Variants in GALNT10 observed in about 807,000 individuals in gnomAD.
GALNT10 encodes polypeptide N-acetylgalactosaminyltransferase 10, also known as GalNAc transferase 10.
Under a neutral mutation model 75.0 loss-of-function variants are expected in GALNT10, and 41 were observed. The observed-to-expected ratio is 0.55, with a 90% CI of 0.43 to 0.71. The LOEUF is 0.71. Among genes scored for constraint, GALNT10 ranks in the 30% least tolerant of loss-of-function variants. GALNT10 has a pLI of 0.00. For missense variants in GALNT10, 727 were observed against 818.5 expected, an observed-to-expected ratio of 0.89 and a Z score of 1.36; for synonymous variants, 302 against 313.0, an observed-to-expected ratio of 0.96 and a Z score of 0.37.
At position 154,417,479 on chromosome 5, in the gene GALNT10, G is replaced by C. The variant is rs769357496; in HGVS notation, c.*507G>C. On this transcript the variant is annotated 3_prime_UTR_variant, in exon 12 of 12. Transcript: ENST00000297107. ...CTCTTGGGGCTTTTTAGTTTCTGCC[G>C]TCCTGGGGGGAACATTGCAGTTACT... The C allele has an allele frequency of 6.4e-6, 1 of 156,326 alleles. No homozygotes were observed. The highest frequency in any genetic ancestry group is 1.4e-5 in the Non-Finnish European group (1 of 70,528). The allele number at this position is 156,326 out of a possible 1,614,324, so 9.7% of individuals were successfully genotyped here.
At chr5:154,264,035 G>T (rs916741471) in intron 1 of GALNT10, among the ~76,000 whole-genome samples, 1 of 152,156 alleles carries the variant, frequency 6.6e-6, no homozygotes, top group Admixed American at 6.5e-5. Context: ...TAAAAAGGCT[G>T]GGTGTGATGG....
chr5:154,245,270 A>T (rs1753403821), intron 1 of GALNT10, among the ~76,000 whole-genome samples: 1 of 152,168 alleles, frequency 6.6e-6, no homozygotes, highest in African/African-American at 2.4e-5. Context: ...AGTCAGCACG[A>T]CTTGGTCACC....
chr5:154,335,491 G>A (rs1245555248), intron 4 of GALNT10, among the ~76,000 whole-genome samples: 1 of 152,190 alleles, frequency 6.6e-6, no homozygotes, highest in African/African-American at 2.4e-5. Context: ...TTAGGGAAGG[G>A]AAGAATGTTC....
At chr5:154,220,975 G>C (rs572106712) in intron 1 of GALNT10, among the ~76,000 whole-genome samples, 1 of 152,184 alleles carries the variant, frequency 6.6e-6, no homozygotes, top group Admixed American at 6.5e-5. Context: ...ATATCATGCA[G>C]GCCAAATAAA....
chr5:154,252,005 C>T (rs1012953664), intron 1 of GALNT10, among the ~76,000 whole-genome samples: 1 of 151,934 alleles, frequency 6.6e-6, no homozygotes, highest in Non-Finnish European at 1.5e-5. Context: ...TTCTGTAGCT[C>T]CTTTCTTTAT....
At chr5:154,330,487 A>G (rs1315006488) in intron 4 of GALNT10, among the ~76,000 whole-genome samples, 1 of 152,232 alleles carries the variant, frequency 6.6e-6, no homozygotes, top group African/African-American at 2.4e-5. Context: ...CCTTGGTCAC[A>G]CAGCTCTCAT....
chr5:154,287,931 T>A (rs867222535), intron 1 of GALNT10, among the ~76,000 whole-genome samples: 3 of 131,592 alleles, frequency 2.3e-5, no homozygotes, highest in Non-Finnish European at 3.2e-5. Context: ...AGAGAGAGAG[T>A]GTGCATGTGT....
intron 4 of GALNT10, among the ~76,000 whole-genome samples, chr5:154,344,401 AG>A (rs1561666884): frequency 6.6e-6 from 1 of 151,816 alleles, no homozygotes; most frequent in African/African-American, 2.4e-5. Context: ...TAATAGAAAC[AG>A]GGTTTCACTA....
chr5:154,268,427 C>T (rs1753810772), intron 1 of GALNT10, among the ~76,000 whole-genome samples: 1 of 152,136 alleles, frequency 6.6e-6, no homozygotes, highest in Admixed American at 6.6e-5. Flanking sequence ...GGTAGCTGTA[C>T]TTTCAGGCTC....
intron 4 of GALNT10, chr5:154,356,236 C>T (rs1350967593): frequency 4.4e-6 from 2 of 456,138 alleles, no homozygotes; most frequent in Non-Finnish European, 8.8e-6. Context: ...GCCAGGATTC[C>T]ATTTGGAGAC....
chr5:154,330,513 C>T (rs1754839616), intron 4 of GALNT10, among the ~76,000 whole-genome samples: 1 of 152,168 alleles, frequency 6.6e-6, no homozygotes, highest in African/African-American at 2.4e-5. Context: ...CATGTGGTGA[C>T]CGAACCATGT....
At position 154,229,494 on chromosome 5, in the gene GALNT10, T is replaced by C. The variant is rs192364098; in HGVS notation, c.159+38469T>C. ...CTGTAATCCCAGCACTTTGGGAGGC[T>C]GAGGCAGGTGGATCACGAGGTCAGG... On this transcript the variant is annotated intron_variant, in intron 1 of 11. Coordinates refer to ENST00000297107, the MANE Select transcript of GALNT10 (RefSeq NM_198321.4). Among the ~76,000 whole-genome samples the C allele has an allele frequency of 6.5e-3, 984 of 152,258 alleles. 5 individuals carry two copies. The highest frequency in any genetic ancestry group is 0.011 in the Non-Finnish European group (720 of 68,022).
intron 3 of GALNT10, among the ~76,000 whole-genome samples, chr5:154,322,883 G>A (rs999883889): frequency 2.6e-5 from 4 of 152,110 alleles, no homozygotes; most frequent in African/African-American, 4.8e-5. Flanking sequence ...CTTGGGATAT[G>A]GTATAAAAAG....
At chr5:154,217,031 A>G (rs911549323) in intron 1 of GALNT10, among the ~76,000 whole-genome samples, 3 of 152,094 alleles carry the variant, frequency 2.0e-5, no homozygotes, top group African/African-American at 4.8e-5. Flanking sequence ...CTCCTATTCA[A>G]TTGTTTCCTA....
intron 1 of GALNT10, among the ~76,000 whole-genome samples, chr5:154,230,581 T>C (rs1411332092): frequency 6.6e-6 from 1 of 152,246 alleles, no homozygotes; most frequent in Admixed American, 6.5e-5. Context: ...AGAAGTTGTT[T>C]TCTAGGTCTG....
rs902230159 is a variant in GALNT10, at chr5:154,412,823, T to C, written c.1387-66T>C. On this transcript the variant is annotated intron_variant, in intron 9 of 11. Coordinates refer to ENST00000297107, the MANE Select transcript of GALNT10 (RefSeq NM_198321.4). The surrounding 1 kb of genome is among the most constrained non-coding windows in gnomAD (Gnocchi z 4.2). ...CTCCCACTTGGTTTCCCCTTTCACC[T>C]GGCAGGGACCCGGTGGGCACCTTAA... is the stretch of plus-strand genomic sequence containing the variant. The C allele has an allele frequency of 9.3e-7, 1 of 1,074,072 alleles. No individual in the cohort carries two copies. Among genetic ancestry groups the C allele is most frequent in the Non-Finnish European group, 1.4e-6 (1 of 690,408 alleles). The allele number at this position is 1,074,072 out of a possible 1,614,324, so 66.5% of individuals were successfully genotyped here.
intron 7 of GALNT10, among the ~76,000 whole-genome samples, chr5:154,391,879 T>G (rs1357114687): frequency 3.9e-5 from 6 of 152,180 alleles, no homozygotes; most frequent in Admixed American, 2.6e-4. Flanking sequence ...GAGAGTGTTT[T>G]TCCCATCATC....
intron 4 of GALNT10, among the ~76,000 whole-genome samples, chr5:154,356,639 A>G (rs759467894): frequency 6.6e-6 from 1 of 152,226 alleles, no homozygotes; most frequent in Admixed American, 6.5e-5. Context: ...ATTGTAAAGG[A>G]TGCCTACTCC....
At chr5:154,329,150 T>C (rs2113116948) in intron 3 of GALNT10, among the ~76,000 whole-genome samples, 1 of 152,220 alleles carries the variant, frequency 6.6e-6, no homozygotes, top group East Asian at 1.9e-4. Flanking sequence ...AGACGAAATA[T>C]TAGAACATAA....
Sources: gnomAD v4.1 joint callset for allele counts (sites outside exome capture counted in the v4.1 genomes callset) on GRCh38, gnomAD v4.1.1 for gene constraint, Gnocchi (gnomAD v3.1) non-coding constraint, MANE v1.5 for transcripts, NCBI Gene and HGNC (gene_info 2026-07-23, HGNC 2026-07-21) for gene names.